The following RBMS3 variants were observed in gnomAD, a reference collection of about 807,000 sequenced individuals.
RBMS3 encodes the protein RNA-binding motif, single-stranded-interacting protein 3.
A neutral mutation model predicts 66.8 loss-of-function variants in RBMS3; 27 were observed. The observed-to-expected ratio is 0.40, with a 90% CI of 0.30 to 0.56. The LOEUF (loss-of-function observed/expected upper bound fraction) is 0.56. Among genes scored for constraint, RBMS3 ranks in the 20% least tolerant of loss-of-function variants. The probability of loss-of-function intolerance (pLI) is 0.40; values close to 1 mark genes in which losing one functional copy is unlikely to be tolerated. For missense variants in RBMS3, 513 were observed against 549.5 expected (o/e 0.93, Z 0.66); for synonymous variants, 188 against 183.0 (o/e 1.03, Z -0.22).
rs145958320 is a variant in RBMS3, at chr3:29,606,734, C to T, written c.399+19529C>T. 3.8e-3 allele frequency among the ~76,000 whole-genome samples: 579 copies of T among 151,992 alleles called. 7 individuals are homozygous for T. The highest frequency in any genetic ancestry group is 0.013 in the African/African-American group (559 of 41,500). Reference sequence around the variant, plus strand: ...TGTTTCTGAGTTTTTCTGTATTGTTCCTTTACTATTTGTTTATTCATTCTT... The same window carrying T: ...TGTTTCTGAGTTTTTCTGTATTGTTTCTTTACTATTTGTTTATTCATTCTT... On this transcript the variant is annotated intron_variant, in intron 4 of 14. Coordinates refer to ENST00000383767, the MANE Select transcript of RBMS3 (RefSeq NM_001003793.3).
At chr3:29,425,871 T>C (rs1051662846) in intron 1 of RBMS3, among the ~76,000 whole-genome samples, 21 of 152,330 alleles carry the variant, frequency 1.4e-4, no homozygotes, top group Non-Finnish European at 3.1e-4. Flanking sequence ...CATTGCCTAC[T>C]TATTCTAGCT....
chr3:29,957,407 C>T (rs1696115900), intron 12 of RBMS3, among the ~76,000 whole-genome samples: 1 of 152,114 alleles, frequency 6.6e-6, no homozygotes, highest in Admixed American at 6.6e-5. Flanking sequence ...TCCTAACTTT[C>T]TCCTCAAAAG....
intron 1 of RBMS3, among the ~76,000 whole-genome samples, chr3:29,398,654 A>T (rs1005511827): frequency 4.4e-4 from 67 of 152,272 alleles, no homozygotes; most frequent in African/African-American, 1.5e-3. Context: ...ACTGTTGGTG[A>T]CCAGGATGTC....
intron 2 of RBMS3, among the ~76,000 whole-genome samples, chr3:29,445,037 TATTCA>T (rs2041773355): frequency 6.6e-6 from 1 of 151,802 alleles, no homozygotes; most frequent in Non-Finnish European, 1.5e-5. Flanking sequence ...ACAATAGATT[TATTCA>T]ATTCATTTTT....
chr3:29,357,052 T>C (rs2037262458), intron 1 of RBMS3, among the ~76,000 whole-genome samples: 1 of 152,092 alleles, frequency 6.6e-6, no homozygotes, highest in Non-Finnish European at 1.5e-5. Context: ...TTTTTATATA[T>C]ATATTTTTTA....
intron 12 of RBMS3, among the ~76,000 whole-genome samples, chr3:29,953,491 C>A (rs933012497): frequency 2.6e-5 from 4 of 151,894 alleles, no homozygotes; most frequent in Non-Finnish European, 4.4e-5. Context: ...TCCATAAATT[C>A]TTTCCTTATC....
At chr3:29,829,005 T>TTG (rs1559714831) in intron 6 of RBMS3, among the ~76,000 whole-genome samples, 8 of 45,426 alleles carry the variant, frequency 1.8e-4, no homozygotes, top group Admixed American at 5.4e-4. Flanking sequence ...TTTCTTTCTT[T>TTG]CTTTCTTTCT....
At chr3:29,603,258 A>C in intron 4 of RBMS3, among the ~76,000 whole-genome samples, 1 of 151,984 alleles carries the variant, frequency 6.6e-6, no homozygotes, top group East Asian at 1.9e-4. Context: ...AAAGAGCCTA[A>C]TTTATTAAAA....
At chr3:29,757,503 G>C (rs1024828382) in intron 5 of RBMS3, among the ~76,000 whole-genome samples, 1 of 152,140 alleles carries the variant, frequency 6.6e-6, no homozygotes, top group Non-Finnish European at 1.5e-5. Context: ...ACAGAACTTC[G>C]GAACAGGAGT....
intron 4 of RBMS3, among the ~76,000 whole-genome samples, chr3:29,665,080 A>G (rs748097484): frequency 1.3e-5 from 2 of 152,220 alleles, no homozygotes; most frequent in Non-Finnish European, 2.9e-5. Context: ...AAAGGAGTGT[A>G]TATAATAAAT....
chr3:29,664,869 C>T (rs565821986), intron 4 of RBMS3, among the ~76,000 whole-genome samples: 12 of 151,968 alleles, frequency 7.9e-5, no homozygotes, highest in African/African-American at 2.7e-4. Context: ...TCTTAGAGGA[C>T]ACATTTAAGA....
intron 1 of RBMS3, among the ~76,000 whole-genome samples, chr3:29,390,272 A>G (rs1374577157): frequency 6.6e-6 from 1 of 152,208 alleles, no homozygotes; most frequent in Non-Finnish European, 1.5e-5. Flanking sequence ...CAAATTCAAG[A>G]TAAAATGTTA....
chr3:29,523,704 A>C (rs1030641460), intron 3 of RBMS3, among the ~76,000 whole-genome samples: 3 of 152,022 alleles, frequency 2.0e-5, no homozygotes, highest in African/African-American at 7.2e-5. Flanking sequence ...TAGACTTTGA[A>C]AGTTTTACAT....
intron 4 of RBMS3, among the ~76,000 whole-genome samples, chr3:29,682,969 T>C (rs1489057409): frequency 6.6e-6 from 1 of 152,224 alleles, no homozygotes; most frequent in Non-Finnish European, 1.5e-5. Flanking sequence ...AGTATTTGGA[T>C]CACTGTTACT....
intron 12 of RBMS3, among the ~76,000 whole-genome samples, chr3:29,946,456 C>T (rs1239647593): frequency 6.6e-6 from 1 of 151,592 alleles, no homozygotes; most frequent in Non-Finnish European, 1.5e-5. Flanking sequence ...ATTTATTGAA[C>T]AACTTCTGAG....
At chr3:29,398,727 T>A (rs1033401556) in intron 1 of RBMS3, among the ~76,000 whole-genome samples, 1 of 152,114 alleles carries the variant, frequency 6.6e-6, no homozygotes, top group Admixed American at 6.5e-5. Context: ...AAGATCCTTG[T>A]CATGTGCTGC....
intron 14 of RBMS3, among the ~76,000 whole-genome samples, chr3:29,994,580 T>G (rs11129377): frequency 0.15 from 23,096 of 151,836 alleles, 1,788 homozygotes; most frequent in Middle Eastern, 0.21. Flanking sequence ...CAGCTGGAGA[T>G]CTGAGAATGG....
intron 1 of RBMS3, 84 bp from the exon 2 acceptor site, chr3:29,434,659 C>T: frequency 6.5e-7 from 1 of 1,534,178 alleles, no homozygotes; most frequent in South Asian, 1.3e-5. Flanking sequence ...AGACGCATAG[C>T]TTACATTGAT....
chr3:29,713,200 T>A lies in RBMS3; in HGVS notation c.400-26520T>A, dbSNP rs150205824. Among the ~76,000 whole-genome samples, 124 of 152,128 alleles carry A rather than the reference T, an allele frequency of 8.2e-4. 1 individual carries two copies. The highest frequency in any genetic ancestry group is 2.9e-3 in the African/African-American group (119 of 41,502). The stretch of plus-strand genomic sequence containing the variant: ...GTGTTCAATTGCATGAAATTTCTCT[T>A]CATTTCCCCCCCATTAATGATCACT... On this transcript the variant is annotated intron_variant, in intron 4 of 14. Coordinates refer to ENST00000383767, the MANE Select transcript of RBMS3 (RefSeq NM_001003793.3).
Sources: allele counts gnomAD v4.1 joint callset (sites outside exome capture counted in the v4.1 genomes callset), GRCh38; gene constraint gnomAD v4.1.1; transcripts MANE v1.5; gene names NCBI Gene and HGNC (gene_info 2026-07-23, HGNC 2026-07-21).